Variants in PHTF2 observed in about 807,000 individuals in gnomAD.
PHTF2 encodes protein PHTF2.
Under a neutral mutation model 101.2 loss-of-function variants are expected in PHTF2, and 60 were observed. The observed-to-expected ratio is 0.59, with a 90% CI of 0.48 to 0.73. The LOEUF (loss-of-function observed/expected upper bound fraction) is 0.73. Among genes scored for constraint, PHTF2 ranks in the 30% least tolerant of loss-of-function variants. PHTF2 has a pLI of 0.00. For missense variants in PHTF2, 747 were observed against 908.7 expected (o/e 0.82, Z 2.29); for synonymous variants, 311 against 307.3 (o/e 1.01, Z -0.13).
Position 77,850,360 on chromosome 7 carries a change from C to CAAAAAAAAAA in PHTF2, c.46-4357_46-4348dup, listed in dbSNP as rs71082789. 4.0e-3 allele frequency among the ~76,000 whole-genome samples: 179 copies of CAAAAAAAAAA among 44,388 alleles called. 9 individuals carry two copies. Among genetic ancestry groups the CAAAAAAAAAA allele is most frequent in the African/African-American group, 0.015 (174 of 11,564 alleles). The allele number at this position is 44,388 out of a possible 152,430, so 29.1% of individuals were successfully genotyped here. A position where few individuals can be genotyped will look rare whatever the true frequency, so the allele number is the denominator to read the frequency against. ...TGAAAGACAAAGCAAGACCTTGTCT[C>CAAAAAAAAAA]AAAAAAAAAAAAAAAAAAAAAAAAA... On this transcript the variant is annotated intron_variant, in intron 2 of 19. Coordinates refer to ENST00000416283, the Ensembl canonical transcript of PHTF2.
intron 1 of PHTF2, among the ~76,000 whole-genome samples, chr7:77,836,119 C>CAAAAAAAAAAA (rs1210225270): frequency 1.6e-5 from 1 of 64,478 alleles, no homozygotes; most frequent in Non-Finnish European, 3.2e-5. Context: ...AACTCCATCT[C>CAAAAAAAAAAA]AAAAAAAAAA....
chr7:77,848,963 A>G (rs1796520873), intron 2 of PHTF2, among the ~76,000 whole-genome samples: 3 of 152,136 alleles, frequency 2.0e-5, no homozygotes, highest in African/African-American at 4.8e-5. Flanking sequence ...TGAAGAGACT[A>G]CTTTCACCAT....
intron 9 of PHTF2, among the ~76,000 whole-genome samples, chr7:77,918,583 TC>T (rs1333083560): frequency 6.6e-6 from 1 of 152,226 alleles, no homozygotes; most frequent in East Asian, 1.9e-4. Flanking sequence ...TTTTTCCACA[TC>T]TGCAGGTTGC....
chr7:77,809,224 G>GTTTTTTTTTTTTTTTTT lies in PHTF2; in HGVS notation c.-36+10257_-36+10273dup, dbSNP rs34141515. Among the ~76,000 whole-genome samples, 58 of 98,486 alleles carry GTTTTTTTTTTTTTTTTT rather than the reference G, an allele frequency of 5.9e-4. 3 individuals carry two copies. The highest frequency in any genetic ancestry group is 9.4e-4 in the African/African-American group (21 of 22,354). 64.6% of individuals were successfully genotyped at this position (98,486 alleles called of 152,430 possible). Reference sequence around the variant, plus strand: ...TTTTCCTATATAAACCCAGTTCGTTGTTTTTTTTTTTTTTTTTTTTGAGAT... The same window carrying GTTTTTTTTTTTTTTTTT: ...TTTTCCTATATAAACCCAGTTCGTTGTTTTTTTTTTTTTTTTTTTTTTTTTTTTTTTTTTTTTGAGAT... On this transcript the variant is annotated intron_variant, in intron 1 of 19. Transcript: ENST00000416283.
chr7:77,928,463 C>G (rs1804265265), intron 11 of PHTF2, among the ~76,000 whole-genome samples: 1 of 150,776 alleles, frequency 6.6e-6, no homozygotes, highest in African/African-American at 2.4e-5. Context: ...GAAACAAAAA[C>G]AGTAGATAAA....
intron 13 of PHTF2, among the ~76,000 whole-genome samples, chr7:77,939,420 A>G (rs939547383): frequency 3.9e-5 from 6 of 152,028 alleles, no homozygotes; most frequent in Non-Finnish European, 8.8e-5. Flanking sequence ...AGCCTGAGCA[A>G]CATAGTGAAA....
rs530508866 is a variant in PHTF2 at position 77,833,445 on chromosome 7, TAA to T, written c.-35-6772_-35-6771del. Among the ~76,000 whole-genome samples the T allele has an allele frequency of 2.0e-4, 30 of 152,270 alleles. No homozygotes were observed. The South Asian group carries it at 3.7e-3, about 19-fold the overall frequency. On this transcript the variant is annotated intron_variant, in intron 1 of 19. Transcript: ENST00000416283. ...TAATATGAGAGTCTGAGGAGATTTATAAAAACTACCTTTAAAAAATTAAAAGC... is the reference window on the plus strand; with the variant it reads ...TAATATGAGAGTCTGAGGAGATTTATAAACTACCTTTAAAAAATTAAAAGC...
chr7:77,938,171 T>C (rs1337272549), intron 13 of PHTF2, among the ~76,000 whole-genome samples: 1 of 152,144 alleles, frequency 6.6e-6, no homozygotes, highest in Non-Finnish European at 1.5e-5. Context: ...GAGATTGTTG[T>C]TACAAGAACT....
intron 3 of PHTF2, among the ~76,000 whole-genome samples, chr7:77,874,956 C>CTCTAT (rs1248675881): frequency 1.3e-5 from 2 of 152,052 alleles, no homozygotes; most frequent in Admixed American, 1.3e-4. Context: ...TTTCAGAGTC[C>CTCTAT]TCTATTCTGT....
intron 1 of PHTF2, among the ~76,000 whole-genome samples, chr7:77,809,487 G>T (rs989625397): frequency 6.6e-6 from 1 of 151,840 alleles, no homozygotes; most frequent in Non-Finnish European, 1.5e-5. Flanking sequence ...TCAGCCTCCC[G>T]AAGTGCTGGG....
At chr7:77,876,731 A>G (rs1346791422) in intron 3 of PHTF2, among the ~76,000 whole-genome samples, 2 of 152,128 alleles carry the variant, frequency 1.3e-5, no homozygotes, top group Non-Finnish European at 2.9e-5. Context: ...TGTCTCTACA[A>G]AATAAATAAA....
intron 3 of PHTF2, among the ~76,000 whole-genome samples, chr7:77,862,247 T>C: frequency 6.6e-6 from 1 of 152,158 alleles, no homozygotes; most frequent in East Asian, 1.9e-4. Context: ...TTGAAATGTC[T>C]TTTTTACAGT....
intron 3 of PHTF2, among the ~76,000 whole-genome samples, chr7:77,879,721 T>G (rs1799250030): frequency 6.6e-6 from 1 of 152,226 alleles, no homozygotes; most frequent in Admixed American, 6.5e-5. Context: ...CTAAAATTTC[T>G]TATGGTTTTG....
At chr7:77,831,313 CTTAGCGGCTAAAGCA>C (rs1437824908) in intron 1 of PHTF2, among the ~76,000 whole-genome samples, 1 of 152,248 alleles carries the variant, frequency 6.6e-6, no homozygotes, top group African/African-American at 2.4e-5. Flanking sequence ...GAGTATTATT[CTTAGCGGCTAAAGCA>C]TTGCTAAAGC....
At chr7:77,939,881 A>C (rs532478138) in intron 13 of PHTF2, 149 bp from the exon 13 acceptor site, 4 of 552,454 alleles carry the variant, frequency 7.2e-6, no homozygotes, top group Non-Finnish European at 1.2e-5. Context: ...TATATGTAGT[A>C]GGCTCTCAAA....
At chr7:77,912,954 A>G (rs1195876919) in intron 9 of PHTF2, among the ~76,000 whole-genome samples, 1 of 151,956 alleles carries the variant, frequency 6.6e-6, no homozygotes, top group Non-Finnish European at 1.5e-5. Context: ...ACTGTTTGTC[A>G]TCTCTAAGTA....
intron 1 of PHTF2, among the ~76,000 whole-genome samples, chr7:77,832,483 G>A (rs1440283820): frequency 1.3e-5 from 2 of 152,208 alleles, no homozygotes; most frequent in Admixed American, 1.3e-4. Flanking sequence ...GGTCACAAAT[G>A]ATGGTGGCCT....
At chr7:77,901,970 G>A in intron 7 of PHTF2, 50 bp downstream of exon 6, 1 of 1,148,946 alleles carries the variant, frequency 8.7e-7, no homozygotes, top group Non-Finnish European at 1.2e-6. Flanking sequence ...TACATTGTTA[G>A]GTTTAATAAG....
At chr7:77,922,865 G>A in intron 11 of PHTF2, 87 bp downstream of exon 10, 1 of 1,287,116 alleles carries the variant, frequency 7.8e-7, no homozygotes. Flanking sequence ...AAAAATTGTT[G>A]AAATAAATAT....
Sources: gnomAD v4.1 joint callset for allele counts (sites outside exome capture counted in the v4.1 genomes callset) on GRCh38, gnomAD v4.1.1 for gene constraint, MANE v1.5 for transcripts, NCBI Gene and HGNC (gene_info 2026-07-23, HGNC 2026-07-21) for gene names.